Variants in VWA3A observed in about 807,000 individuals in gnomAD.
VWA3A encodes the protein von Willebrand factor A domain containing 3A.
VWA3A carries 134 observed loss-of-function variants against 160.4 expected under a neutral mutation model. The ratio of observed to expected loss-of-function variants is 0.84; its 90% CI spans 0.73 to 0.96. VWA3A has a LOEUF of 0.96. Ranked by LOEUF, VWA3A falls within the 40% of genes least tolerant of loss-of-function variation. The pLI is 0.00. For missense variants in VWA3A, 1,310 were observed against 1,447.9 expected, an observed-to-expected ratio of 0.90 and a Z score of 1.55; for synonymous variants, 476 against 543.4, an observed-to-expected ratio of 0.88 and a Z score of 1.72.
intron 31 of VWA3A, among the ~76,000 whole-genome samples, chr16:22,154,926 A>G (rs2046413011): frequency 1.6e-5 from 2 of 126,688 alleles, no homozygotes; most frequent in Non-Finnish European, 3.2e-5. Flanking sequence ...TGCAGTCCGC[A>G]GTCCGGCCTG....
intron 12 of VWA3A, among the ~76,000 whole-genome samples, chr16:22,120,746 C>T (rs958254470): frequency 6.6e-6 from 1 of 152,138 alleles, no homozygotes; most frequent in African/African-American, 2.4e-5. Context: ...GCATGGGCCA[C>T]TGTGAGAGCG....
At chr16:22,129,595 T>A (rs1332649578) in intron 17 of VWA3A, among the ~76,000 whole-genome samples, 1 of 151,810 alleles carries the variant, frequency 6.6e-6, no homozygotes, top group Non-Finnish European at 1.5e-5. Context: ...TTTGGAGACA[T>A]TAAGAGGAGG....
intron 1 of VWA3A, among the ~76,000 whole-genome samples, chr16:22,093,911 C>T (rs569946251): frequency 5.3e-5 from 8 of 151,610 alleles, no homozygotes; most frequent in Non-Finnish European, 1.0e-4. Context: ...ACTACAGGTG[C>T]GCACTGCCAT....
At chr16:22,094,967 C>CAA (rs565358806) in intron 1 of VWA3A, among the ~76,000 whole-genome samples, 22 of 66,004 alleles carry the variant, frequency 3.3e-4, no homozygotes, top group South Asian at 1.8e-3. Context: ...GACTCCGTCT[C>CAA]AAAAAAAAAA....
chr16:22,152,607 G>A lies in VWA3A; in HGVS notation c.3378G>A (p.Leu1126=), dbSNP rs1394119567. 1.2e-6 allele frequency: 2 copies of A among 1,608,634 alleles called. No individual in the cohort carries two copies. Among genetic ancestry groups the A allele is most frequent in the Non-Finnish European group, 1.7e-6 (2 of 1,177,486 alleles). ...ACACACTCTCCAAAATTCACAGCCT[G>A]CTGACCAAAGGCTTCATCAATGAAA... The part of the protein sequence containing the change: ...GEDTLSKIHS[L]LTKGFINEKD... The change falls in exon 31 of 34, where the codon CTG becomes CTA. Residue 1126 remains leucine, a synonymous_variant. Transcript: ENST00000389398.
At position 22,144,526 on chromosome 16, in the gene VWA3A, T is replaced by C. The variant is rs560636214; in HGVS notation, c.2730+142T>C. ...CCAAAGTGGGACTCCCCTCACCAAA[T>C]AGGAGATGCAAAATCCTGTTGGAAG... On this transcript the variant is annotated intron_variant, in intron 26 of 33. Coordinates refer to ENST00000389398, the MANE Select transcript of VWA3A (RefSeq NM_173615.5). 84 of 1,247,412 alleles carry C rather than the reference T, an allele frequency of 6.7e-5. No homozygotes were observed. The Middle Eastern group carries it at 8.1e-4, about 12-fold the overall frequency. The allele number at this position is 1,247,412 out of a possible 1,614,324, so 77.3% of individuals were successfully genotyped here. A position where few individuals can be genotyped will look rare whatever the true frequency, so the allele number is the denominator to read the frequency against.
intron 1 of VWA3A, among the ~76,000 whole-genome samples, chr16:22,094,521 C>A (rs2045286270): frequency 6.6e-6 from 1 of 151,726 alleles, no homozygotes; most frequent in Non-Finnish European, 1.5e-5. Context: ...TGTGTCTTAG[C>A]TGGTATTTTT....
Position 22,092,556 on chromosome 16 carries a change from G to T in VWA3A, c.-82G>T, listed in dbSNP as rs763564435. 73 of 1,531,378 alleles carry T rather than the reference G, an allele frequency of 4.8e-5. No individual in the cohort carries two copies. The highest frequency in any genetic ancestry group is 6.4e-5 in the Non-Finnish European group (72 of 1,133,048). The allele number at this position is 1,531,378 out of a possible 1,614,324, so 94.9% of individuals were successfully genotyped here. A position where few individuals can be genotyped will look rare whatever the true frequency, so the allele number is the denominator to read the frequency against. On this transcript the variant is annotated 5_prime_UTR_variant, in exon 1 of 34. Coordinates refer to ENST00000389398, the MANE Select transcript of VWA3A (RefSeq NM_173615.5). ...CTTCGCTGCTGAGTTGCTTGGAGGA[G>T]CTTGGAGAAACCAGAAGTGAGATCC...
chr16:22,155,991 A>C (rs1014072266), intron 33 of VWA3A, 41 bp from the exon 34 acceptor site: 1 of 1,487,438 alleles, frequency 6.7e-7, no homozygotes, highest in African/African-American at 1.4e-5. Flanking sequence ...TTTTGTGGTC[A>C]ATAATAACTT....
At chr16:22,134,659 T>TGTTC (rs1435279970) in intron 21 of VWA3A, among the ~76,000 whole-genome samples, 176 of 98,700 alleles carry the variant, frequency 1.8e-3, no homozygotes, top group Non-Finnish European at 3.0e-3. Context: ...TGGCAATTGG[T>TGTTC]GTTTGTTTGT....
At chr16:22,115,985 A>C (rs925894611) in intron 9 of VWA3A, among the ~76,000 whole-genome samples, 2 of 144,532 alleles carry the variant, frequency 1.4e-5, no homozygotes, top group Non-Finnish European at 3.0e-5. Flanking sequence ...AGAGAGAGAG[A>C]GAGAGGAGAG....
intron 6 of VWA3A, among the ~76,000 whole-genome samples, chr16:22,107,932 G>A (rs939639247): frequency 2.6e-5 from 4 of 151,058 alleles, no homozygotes; most frequent in Admixed American, 2.0e-4. Flanking sequence ...GTGAAGAGAG[G>A]GGAAAGTGGG....
At chr16:22,145,516 G>A (rs1051243221) in intron 26 of VWA3A, among the ~76,000 whole-genome samples, 5 of 151,928 alleles carry the variant, frequency 3.3e-5, no homozygotes, top group Admixed American at 2.6e-4. Flanking sequence ...CTGTGCACCT[G>A]TAATCCCAGC....
chr16:22,133,223 C>G, intron 20 of VWA3A, 128 bp downstream of exon 20: 2 of 1,098,364 alleles, frequency 1.8e-6, no homozygotes. Context: ...AAATGTAAAA[C>G]TGTTCCTCTG....
chr16:22,156,189 C>T lies in VWA3A; in HGVS notation c.*172C>T. 9 of 470,776 alleles carry T rather than the reference C, an allele frequency of 1.9e-5. No homozygotes were observed. The highest frequency in any genetic ancestry group is 3.4e-5 in the Non-Finnish European group (9 of 262,194). 29.2% of individuals were successfully genotyped at this position (470,776 alleles called of 1,614,324 possible). A position where few individuals can be genotyped will look rare whatever the true frequency, so the allele number is the denominator to read the frequency against. ...TTTGTCTTTTGTGTGAGGGGCCATT[C>T]CCGGGTCTTAATCTAACTCTCCAGC... On this transcript the variant is annotated 3_prime_UTR_variant, in exon 34 of 34. Coordinates refer to ENST00000389398, the MANE Select transcript of VWA3A (RefSeq NM_173615.5).
At chr16:22,123,769 C>T (rs529995230) in intron 16 of VWA3A, 62 bp downstream of exon 16, 76 of 1,452,232 alleles carry the variant, frequency 5.2e-5, no homozygotes, top group African/African-American at 2.8e-4. Context: ...GACATTTATC[C>T]GCCTCATGAA....
chr16:22,152,374 A>T (rs1201447068), intron 30 of VWA3A, 137 bp from the exon 31 acceptor site: 5 of 1,161,336 alleles, frequency 4.3e-6, no homozygotes, highest in African/African-American at 1.6e-5. Flanking sequence ...GGTGGTCTCC[A>T]TGGGACAAGC....
chr16:22,113,082 G>A (rs2045574307), intron 8 of VWA3A, among the ~76,000 whole-genome samples: 2 of 152,218 alleles, frequency 1.3e-5, no homozygotes, highest in South Asian at 4.1e-4. Context: ...GCAGCCAAAA[G>A]TTCTGCATCT....
At chr16:22,100,125 T>C in intron 3 of VWA3A, 69 bp from the exon 4 acceptor site, 3 of 1,463,642 alleles carry the variant, frequency 2.0e-6, no homozygotes, top group East Asian at 5.0e-5. Context: ...GTTGGGTATC[T>C]GTGTGAAGGG....
Sources: allele counts gnomAD v4.1 joint callset (sites outside exome capture counted in the v4.1 genomes callset), GRCh38; gene constraint gnomAD v4.1.1; transcripts MANE v1.5; gene names NCBI Gene and HGNC (gene_info 2026-07-23, HGNC 2026-07-21).